Variants in NCAPG2 observed in about 807,000 individuals in gnomAD.
NCAPG2 encodes the protein non-SMC condensin II complex subunit G2, also known as condensin-2 complex subunit G2.
A neutral mutation model predicts 141.1 loss-of-function variants in NCAPG2; 53 were observed. The ratio of observed to expected loss-of-function variants is 0.38; its 90% CI spans 0.30 to 0.47. The LOEUF (loss-of-function observed/expected upper bound fraction) is 0.47, where lower values mean the gene tolerates loss of function less well. Among genes scored for constraint, NCAPG2 ranks in the 20% least tolerant of loss-of-function variants. The pLI is 0.99. For synonymous variants in NCAPG2, 499 were observed against 490.7 expected, an observed-to-expected ratio of 1.02 and a Z score of -0.22; for missense variants, 1,087 against 1,389.0, an observed-to-expected ratio of 0.78 and a Z score of 3.46.
chr7:158,667,846 CCCA>C, intron 13 of NCAPG2, among the ~76,000 whole-genome samples: 1 of 38,132 alleles, frequency 2.6e-5, no homozygotes, highest in Non-Finnish European at 5.7e-5. Context: ...CCCTCCCTTA[CCCA>C]CTACTGGGTC....
chr7:158,679,922 T>C (rs763363257), intron 11 of NCAPG2, 38 bp downstream of exon 11: 1 of 1,609,576 alleles, frequency 6.2e-7, no homozygotes, highest in South Asian at 1.1e-5. Context: ...TGGACAAAGC[T>C]GATATCTGTA....
chr7:158,657,801 T>C (rs1448686715), intron 17 of NCAPG2, among the ~76,000 whole-genome samples: 4 of 152,210 alleles, frequency 2.6e-5, no homozygotes, highest in African/African-American at 9.7e-5. Flanking sequence ...CATTTTGTCC[T>C]GTACTAAGAA....
chr7:158,682,179 T>G (rs1248132543), intron 9 of NCAPG2, among the ~76,000 whole-genome samples: 1 of 152,138 alleles, frequency 6.6e-6, no homozygotes, highest in Non-Finnish European at 1.5e-5. Flanking sequence ...TATGAAAACA[T>G]ACATAGTTTA....
chr7:158,674,985 A>G (rs572268158), intron 12 of NCAPG2, among the ~76,000 whole-genome samples: 146 of 152,358 alleles, frequency 9.6e-4, no homozygotes, highest in Middle Eastern at 3.4e-3. Flanking sequence ...GTCAGGGGGA[A>G]AAAAGATCAG....
intron 22 of NCAPG2, among the ~76,000 whole-genome samples, chr7:158,653,381 A>T (rs1258286048): frequency 4.8e-5 from 5 of 103,710 alleles, no homozygotes; most frequent in Admixed American, 2.9e-4. Flanking sequence ...AAAAAAATAA[A>T]AAAAAAAATA....
At chr7:158,699,926 GTTAT>G (rs146349286) in intron 2 of NCAPG2, among the ~76,000 whole-genome samples, 5,786 of 151,422 alleles carry the variant, frequency 0.038, 311 homozygotes, top group East Asian at 0.11. Context: ...ATCTCTCTGG[GTTAT>G]TTATTTATTT....
At chr7:158,695,113 T>G (rs912002785) in intron 2 of NCAPG2, among the ~76,000 whole-genome samples, 1 of 152,224 alleles carries the variant, frequency 6.6e-6, no homozygotes, top group African/African-American at 2.4e-5. Flanking sequence ...ACAGTTTTGG[T>G]GCTGGGGTCA....
intron 23 of NCAPG2, 63 bp from the exon 24 acceptor site, chr7:158,651,035 A>G (rs1831453704): frequency 6.8e-7 from 1 of 1,466,034 alleles, no homozygotes; most frequent in South Asian, 1.4e-5. Context: ...AAAAACAAAA[A>G]AACACTTTAA....
rs571647892 is a variant in NCAPG2 at position 158,633,299 on chromosome 7, A to C, written c.3381-1582T>G. Among the ~76,000 whole-genome samples, 11 of 66,938 alleles carry C rather than the reference A, an allele frequency of 1.6e-4. No homozygotes were observed. In the South Asian group the frequency reaches 6.4e-3, roughly 39 times the overall value. 43.9% of individuals were successfully genotyped at this position (66,938 alleles called of 152,430 possible). On this transcript the variant is annotated intron_variant, in intron 27 of 27. Transcript: ENST00000356309. The surrounding 1 kb of genome is among the most constrained non-coding windows in gnomAD (Gnocchi z 4.1). ...AAATTGACCTTTCTGGAATTTGACT[A>C]TCACAGGAACCATCTCTGTAGTGTG...
chr7:158,654,535 AG>A (rs1421246102), intron 22 of NCAPG2, 59 bp downstream of exon 22: 3 of 1,481,644 alleles, frequency 2.0e-6, no homozygotes, highest in African/African-American at 2.8e-5. Flanking sequence ...ACAGTAAAGG[AG>A]GGAGGGAGGG....
intron 8 of NCAPG2, among the ~76,000 whole-genome samples, chr7:158,683,645 TA>T (rs35328933): frequency 0.54 from 82,126 of 152,048 alleles, 22,810 homozygotes; most frequent in Non-Finnish European, 0.6. Flanking sequence ...AATGGCAATG[TA>T]AGATTCCACC....
At chr7:158,648,440 AAAC>A (rs1432529497) in intron 24 of NCAPG2, among the ~76,000 whole-genome samples, 3 of 152,330 alleles carry the variant, frequency 2.0e-5, no homozygotes, top group East Asian at 3.9e-4. Flanking sequence ...GATAGAAAAG[AAAC>A]AACATTAACT....
intron 15 of NCAPG2, among the ~76,000 whole-genome samples, chr7:158,662,625 G>A (rs903579734): frequency 7.9e-5 from 12 of 152,126 alleles, no homozygotes; most frequent in African/African-American, 2.7e-4. Flanking sequence ...AAAGGAAAAC[G>A]TATCAACTAT....
intron 2 of NCAPG2, among the ~76,000 whole-genome samples, chr7:158,697,591 G>T (rs535772072): frequency 6.7e-6 from 1 of 149,796 alleles, no homozygotes; most frequent in African/African-American, 2.5e-5. Flanking sequence ...ACAGAGCAAG[G>T]CTCCAACTGA....
intron 13 of NCAPG2, among the ~76,000 whole-genome samples, chr7:158,670,324 G>A (rs1344880715): frequency 6.6e-6 from 1 of 152,188 alleles, no homozygotes; most frequent in Non-Finnish European, 1.5e-5. Context: ...CCAGCACTTT[G>A]GGAGGCCAAG....
At chr7:158,692,755 A>G (rs1171686976) in intron 4 of NCAPG2, 87 bp downstream of exon 4, 6 of 933,290 alleles carry the variant, frequency 6.4e-6, no homozygotes, top group Non-Finnish European at 1.0e-5. Flanking sequence ...AAAAATAAAT[A>G]AATGAATGAA....
intron 2 of NCAPG2, among the ~76,000 whole-genome samples, chr7:158,697,280 C>G (rs11773657): frequency 0.038 from 5,856 of 152,242 alleles, 140 homozygotes; most frequent in Non-Finnish European, 0.056. Flanking sequence ...ATATTTGTGT[C>G]TTAGTTTTTA....
intron 13 of NCAPG2, among the ~76,000 whole-genome samples, chr7:158,665,626 C>T (rs576536033): frequency 6.6e-6 from 1 of 152,120 alleles, no homozygotes; most frequent in African/African-American, 2.4e-5. Flanking sequence ...AAAACCCACA[C>T]ACAAAACTCA....
rs1829893825 is a variant in NCAPG2 at position 158,631,557 on chromosome 7, C to T, written c.*109G>A. On this transcript the variant is annotated 3_prime_UTR_variant, in exon 28 of 28. Coordinates refer to ENST00000356309, the MANE Select transcript of NCAPG2 (RefSeq NM_017760.7). ...CACATTCCCACAAAAAAATCCCACC[C>T]TTTCCCTATTATATGGGTTATTAAC... 4.6e-6 allele frequency: 5 copies of T among 1,076,640 alleles called. No individual in the cohort carries two copies. The highest frequency in any genetic ancestry group is 1.4e-5 in the South Asian group (1 of 73,346). 66.7% of individuals were successfully genotyped at this position (1,076,640 alleles called of 1,614,324 possible).
Sources: gnomAD v4.1 joint callset for allele counts (sites outside exome capture counted in the v4.1 genomes callset) on GRCh38, gnomAD v4.1.1 for gene constraint, Gnocchi (gnomAD v3.1) non-coding constraint, MANE v1.5 for transcripts, NCBI Gene and HGNC (gene_info 2026-07-23, HGNC 2026-07-21) for gene names.